The following N4BP2 variants were observed in gnomAD, a reference collection of about 807,000 sequenced individuals.
The protein encoded by N4BP2 is NEDD4-binding protein 2.
A neutral mutation model predicts 152.8 loss-of-function variants in N4BP2; 91 were observed. The observed-to-expected ratio is 0.60, with a 90% CI of 0.50 to 0.71. The LOEUF is 0.71. Among genes scored for constraint, N4BP2 ranks in the 30% least tolerant of loss-of-function variants. The pLI is 0.00. For synonymous variants in N4BP2, 646 were observed against 705.3 expected (o/e 0.92, Z 1.33); for missense variants, 1,923 against 2,059.1 (o/e 0.93, Z 1.28).
the N4BP2 span, among the ~76,000 whole-genome samples, chr4:40,171,298 A>G: frequency 6.6e-6 from 1 of 152,198 alleles, no homozygotes; most frequent in African/African-American, 2.4e-5. Flanking sequence ...CTCTAGGAGA[A>G]GGCTGCCAAT....
the N4BP2 span, among the ~76,000 whole-genome samples, chr4:40,188,378 C>T: frequency 6.6e-6 from 1 of 152,142 alleles, no homozygotes; most frequent in Non-Finnish European, 1.5e-5. Context: ...TCAGTTTCCT[C>T]CTTTGCAAAT....
the N4BP2 span, among the ~76,000 whole-genome samples, chr4:40,176,121 A>AG: frequency 4.6e-5 from 7 of 151,816 alleles, no homozygotes; most frequent in Non-Finnish European, 1.0e-4. Flanking sequence ...AAGAAAAAAA[A>AG]CAAATTTTGA....
At chr4:40,082,275 CAAAAAA>C (rs370100487) in intron 2 of N4BP2, among the ~76,000 whole-genome samples, 1 of 95,056 alleles carries the variant, frequency 1.1e-5, no homozygotes, top group Admixed American at 1.3e-4. Flanking sequence ...GACCCTGTCT[CAAAAAA>C]AAAAAAAAAA....
rs1715709906 is a variant in N4BP2, at chr4:40,102,084, C to G, written c.239C>G (p.Ala80Gly). ...TCTTGTTGTTGTACAGTTGAAAATG[C>G]TATGGATTGTCTATTAGAATTATCT... is the stretch of plus-strand genomic sequence containing the variant. The part of the protein sequence containing the change: ...LSECDFKVEN[A>G]MDCLLELSAT... The change falls in exon 4 of 18, where the codon GCT becomes GGT. Residue 80 changes from alanine (A) to glycine (G), a missense_variant. Ala to Gly is a moderately conservative substitution (Grantham distance 60). Coordinates refer to ENST00000261435, the MANE Select transcript of N4BP2 (RefSeq NM_018177.6). 3 of 1,578,752 alleles carry G rather than the reference C, an allele frequency of 1.9e-6. No homozygotes were observed. Among genetic ancestry groups the G allele is most frequent in the East Asian group, 4.5e-5 (2 of 44,494 alleles).
chr4:40,080,887 C>T lies in N4BP2; in HGVS notation c.-115+7336C>T, dbSNP rs551818650. Among the ~76,000 whole-genome samples, 56 of 148,028 alleles carry T rather than the reference C, an allele frequency of 3.8e-4. No individual in the cohort carries two copies. In the East Asian group the frequency reaches 6.6e-3, roughly 17 times the overall value. On this transcript the variant is annotated intron_variant, in intron 2 of 17. Coordinates refer to ENST00000261435, the MANE Select transcript of N4BP2 (RefSeq NM_018177.6). ...TTCACTGTTTTAGCCAGGATGGTCT[C>T]GATCTCCTGATCTCGTGATCCGCCC...
chr4:40,142,640 T>C, intron 14 of N4BP2, 33 bp from the exon 15 acceptor site: 1 of 1,486,434 alleles, frequency 6.7e-7, no homozygotes, highest in Non-Finnish European at 9.2e-7. Flanking sequence ...TTTAACTTTC[T>C]GTGTGTGTTA....
Position 40,102,473 on chromosome 4 carries a change from T to TG in N4BP2, c.628_629insG (p.Leu210CysfsTer22). ...AAATTTAGAGAATTCTGGTTCTACT[T>TG]TAAGTTTAAACCCATTACCTTCACA... On this transcript the variant is annotated frameshift_variant, in exon 4 of 18. Transcript: ENST00000261435. LOFTEE classifies it high-confidence loss of function. 1 of 1,613,962 alleles carries TG rather than the reference T, an allele frequency of 6.2e-7. No homozygotes were observed. The highest frequency in any genetic ancestry group is 1.1e-5 in the South Asian group (1 of 91,062).
At chr4:40,160,332 C>T (rs116290436), downstream of N4BP2, among the ~76,000 whole-genome samples, 820 of 152,258 alleles carry the variant, frequency 5.4e-3, 5 homozygotes, top group Non-Finnish European at 9.5e-3. Context: ...ACGTATTTTT[C>T]GATTTTGTGA....
At chr4:40,075,240 G>A (rs1297530279) in intron 2 of N4BP2, among the ~76,000 whole-genome samples, 4 of 152,076 alleles carry the variant, frequency 2.6e-5, no homozygotes, top group African/African-American at 9.7e-5. Context: ...TCTAAATTAA[G>A]CAAGACTAGT....
At chr4:40,168,376 AG>A in the N4BP2 span, among the ~76,000 whole-genome samples, 1 of 152,200 alleles carries the variant, frequency 6.6e-6, no homozygotes, top group Admixed American at 6.5e-5. Context: ...CAATTGGAAA[AG>A]CAATACTACA....
chr4:40,140,142 TTATTAA>T (rs1719783969), intron 14 of N4BP2, among the ~76,000 whole-genome samples: 1 of 152,178 alleles, frequency 6.6e-6, no homozygotes, highest in African/African-American at 2.4e-5. Flanking sequence ...CCTGCAATCC[TTATTAA>T]TAAGACCACT....
At chr4:40,110,946 T>G (rs1716819718) in intron 5 of N4BP2, among the ~76,000 whole-genome samples, 1 of 152,222 alleles carries the variant, frequency 6.6e-6, no homozygotes, top group African/African-American at 2.4e-5. Flanking sequence ...ACTTACTTGT[T>G]GTGGTACATC....
At chr4:40,066,049 G>C (rs1310322977) in intron 1 of N4BP2, among the ~76,000 whole-genome samples, 1 of 151,788 alleles carries the variant, frequency 6.6e-6, no homozygotes, top group Non-Finnish European at 1.5e-5. Flanking sequence ...TCCTGCCTCA[G>C]TCTCCTGAGT....
intron 2 of N4BP2, among the ~76,000 whole-genome samples, chr4:40,090,068 A>C (rs113170311): frequency 1.7e-3 from 260 of 152,286 alleles, no homozygotes; most frequent in African/African-American, 5.9e-3. Context: ...CACCATAGTC[A>C]AAAATCAGTC....
chr4:40,077,016 T>G (rs962621076), intron 2 of N4BP2, among the ~76,000 whole-genome samples: 7 of 152,102 alleles, frequency 4.6e-5, no homozygotes, highest in Admixed American at 2.6e-4. Flanking sequence ...ATATTACATA[T>G]AGAGAGATTT....
At chr4:40,164,652 G>A in the N4BP2 span, among the ~76,000 whole-genome samples, 2 of 152,194 alleles carry the variant, frequency 1.3e-5, no homozygotes, top group Non-Finnish European at 2.9e-5. Context: ...CTGGAGAGAC[G>A]AGATAGATAG....
At chr4:40,141,261 C>T (rs1394558780) in intron 14 of N4BP2, among the ~76,000 whole-genome samples, 3 of 150,996 alleles carry the variant, frequency 2.0e-5, no homozygotes, top group Admixed American at 6.6e-5. Context: ...GCTGGCCTGG[C>T]GGTGGGTGAC....
At position 40,128,964 on chromosome 4, in the gene N4BP2, C is replaced by A. The variant is rs78271664; in HGVS notation, c.4527+2634C>A. On this transcript the variant is annotated intron_variant, in intron 12 of 17. Coordinates refer to ENST00000261435, the MANE Select transcript of N4BP2 (RefSeq NM_018177.6). ...TACAGTTCTACCCTCCCTTTAATAT[C>A]TTGATGTAATAGGTGAACAAATGAG... Among the ~76,000 whole-genome samples the A allele has an allele frequency of 8.9e-3, 1,361 of 152,284 alleles. 16 individuals carry two copies. Among genetic ancestry groups the A allele is most frequent in the African/African-American group, 0.031 (1,280 of 41,560 alleles).
At chr4:40,143,071 T>C (rs961354489) in intron 15 of N4BP2, among the ~76,000 whole-genome samples, 4 of 152,192 alleles carry the variant, frequency 2.6e-5, no homozygotes, top group Admixed American at 1.3e-4. Context: ...TCAGTTTCTG[T>C]GGTTGCTTTT....
Sources: gnomAD v4.1 joint callset for allele counts (sites outside exome capture counted in the v4.1 genomes callset) on GRCh38, gnomAD v4.1.1 for gene constraint, MANE v1.5 for transcripts, NCBI Gene and HGNC (gene_info 2026-07-23, HGNC 2026-07-21) for gene names.